Variants in KHDRBS2 observed in about 807,000 individuals in gnomAD.
KHDRBS2 encodes KH RNA binding domain containing, signal transduction associated 2, also known as KH domain-containing, RNA-binding, signal transduction-associated protein 2.
Under a neutral mutation model 44.3 loss-of-function variants are expected in KHDRBS2, and 26 were observed. The ratio of observed to expected loss-of-function variants is 0.59; its 90% CI spans 0.43 to 0.81. KHDRBS2 has a LOEUF of 0.81. Ranked by LOEUF, KHDRBS2 falls within the 40% of genes least tolerant of loss-of-function variation. KHDRBS2 has a pLI of 0.00. For missense variants in KHDRBS2, 476 were observed against 433.1 expected, an observed-to-expected ratio of 1.10 and a Z score of -0.88; for synonymous variants, 194 against 151.1, an observed-to-expected ratio of 1.28 and a Z score of -2.08.
chr6:61,596,227 T>C, the KHDRBS2 span, among the ~76,000 whole-genome samples: 2 of 152,152 alleles, frequency 1.3e-5, no homozygotes, highest in Non-Finnish European at 2.9e-5. Flanking sequence ...CTTCAGCTTA[T>C]GGAAAAACCA....
At chr6:62,228,706 T>G (rs1489881349) in intron 1 of KHDRBS2, among the ~76,000 whole-genome samples, 3 of 152,188 alleles carry the variant, frequency 2.0e-5, no homozygotes, top group Non-Finnish European at 4.4e-5. Context: ...GTGTTAGCTG[T>G]GTCCCAGCTA....
chr6:61,648,283 G>T, the KHDRBS2 span, among the ~76,000 whole-genome samples: 1 of 151,672 alleles, frequency 6.6e-6, no homozygotes, highest in Admixed American at 6.6e-5. Flanking sequence ...TATTCCTGTG[G>T]TACAATACAT....
At chr6:62,095,613 A>G (rs1393044213) in intron 2 of KHDRBS2, among the ~76,000 whole-genome samples, 23 of 152,020 alleles carry the variant, frequency 1.5e-4, no homozygotes, top group South Asian at 1.2e-3. Flanking sequence ...TTCTTAACTT[A>G]TCCCCATCAT....
intron 2 of KHDRBS2, among the ~76,000 whole-genome samples, chr6:62,069,490 T>G (rs1309871122): frequency 6.6e-6 from 1 of 151,734 alleles, no homozygotes; most frequent in Non-Finnish European, 1.5e-5. Flanking sequence ...CTTTGCTTTC[T>G]GAGAGGACTT....
chr6:62,051,208 T>C (rs1788950462), intron 2 of KHDRBS2, among the ~76,000 whole-genome samples: 2 of 152,060 alleles, frequency 1.3e-5, no homozygotes, highest in African/African-American at 4.8e-5. Flanking sequence ...TATCAAAATT[T>C]ATCAAGCTGC....
chr6:61,855,956 A>T (rs1423315376), intron 6 of KHDRBS2, among the ~76,000 whole-genome samples: 1 of 152,002 alleles, frequency 6.6e-6, no homozygotes, highest in African/African-American at 2.4e-5. Flanking sequence ...AACTACTTGC[A>T]CTCAAATCTT....
At chr6:61,777,284 A>G (rs1177836035) in intron 6 of KHDRBS2, among the ~76,000 whole-genome samples, 1 of 152,180 alleles carries the variant, frequency 6.6e-6, no homozygotes, top group African/African-American at 2.4e-5. Context: ...AACTTAAAGT[A>G]TAATAATAAT....
At chr6:62,120,190 G>C (rs989614221) in intron 2 of KHDRBS2, among the ~76,000 whole-genome samples, 1 of 152,100 alleles carries the variant, frequency 6.6e-6, no homozygotes, top group Non-Finnish European at 1.5e-5. Flanking sequence ...GGAATAAAAA[G>C]GTGGCCCACT....
chr6:61,719,480 A>G (rs2127554492), intron 7 of KHDRBS2, among the ~76,000 whole-genome samples: 1 of 152,136 alleles, frequency 6.6e-6, no homozygotes, highest in East Asian at 1.9e-4. Flanking sequence ...AAAAAAGGTT[A>G]TCAGAACATG....
At chr6:62,141,536 T>G (rs1812801742) in intron 2 of KHDRBS2, among the ~76,000 whole-genome samples, 1 of 152,166 alleles carries the variant, frequency 6.6e-6, no homozygotes, top group African/African-American at 2.4e-5. Flanking sequence ...TTTCTAATTT[T>G]TCATCTGTTT....
At chr6:62,075,733 C>A (rs1401550973) in intron 2 of KHDRBS2, among the ~76,000 whole-genome samples, 1 of 151,794 alleles carries the variant, frequency 6.6e-6, no homozygotes, top group African/African-American at 2.4e-5. Flanking sequence ...AGCACAATTT[C>A]ACTTTGACAT....
At chr6:61,773,981 C>A (rs1781482447) in intron 6 of KHDRBS2, among the ~76,000 whole-genome samples, 1 of 152,160 alleles carries the variant, frequency 6.6e-6, no homozygotes, top group South Asian at 2.1e-4. Flanking sequence ...TCTGAGGGCT[C>A]TGTTCTGTTC....
chr6:61,744,751 G>C (rs761712023), intron 6 of KHDRBS2, among the ~76,000 whole-genome samples: 1 of 151,684 alleles, frequency 6.6e-6, no homozygotes, highest in Non-Finnish European at 1.5e-5. Context: ...TTGTCTTCTA[G>C]AGTTCTATAT....
At chr6:62,108,194 A>G (rs1373149563) in intron 2 of KHDRBS2, among the ~76,000 whole-genome samples, 2 of 152,188 alleles carry the variant, frequency 1.3e-5, no homozygotes, top group African/African-American at 4.8e-5. Context: ...CAACCTACTC[A>G]TCTGACAAAG....
chr6:62,028,619 A>G (rs1384277689), intron 3 of KHDRBS2, among the ~76,000 whole-genome samples: 1 of 152,094 alleles, frequency 6.6e-6, no homozygotes, highest in Non-Finnish European at 1.5e-5. Context: ...CATTCTCCAT[A>G]TATCTTTAGA....
intron 4 of KHDRBS2, among the ~76,000 whole-genome samples, chr6:61,923,215 G>A (rs2127360560): frequency 6.6e-6 from 1 of 151,958 alleles, no homozygotes; most frequent in East Asian, 1.9e-4. Flanking sequence ...TATCCAAAAT[G>A]AACACTAGAG....
chr6:62,154,156 TAGA>T (rs1490557013), intron 2 of KHDRBS2, among the ~76,000 whole-genome samples: 2 of 152,152 alleles, frequency 1.3e-5, no homozygotes, highest in Non-Finnish European at 2.9e-5. Flanking sequence ...GAAGACTTTG[TAGA>T]AGACATTGGA....
At chr6:62,006,720 T>C (rs1224656819) in intron 3 of KHDRBS2, among the ~76,000 whole-genome samples, 1 of 152,020 alleles carries the variant, frequency 6.6e-6, no homozygotes, top group Admixed American at 6.6e-5. Flanking sequence ...TAATATAGAA[T>C]GTATAACTTT....
At chr6:61,862,743 G>A (rs1285855751) in intron 6 of KHDRBS2, among the ~76,000 whole-genome samples, 1 of 151,930 alleles carries the variant, frequency 6.6e-6, no homozygotes, top group Non-Finnish European at 1.5e-5. Context: ...TGAGCATTTT[G>A]GCATTGATGT....
Sources: gnomAD v4.1 joint callset for allele counts (sites outside exome capture counted in the v4.1 genomes callset) on GRCh38, gnomAD v4.1.1 for gene constraint, MANE v1.5 for transcripts, NCBI Gene and HGNC (gene_info 2026-07-23, HGNC 2026-07-21) for gene names.